NPDC1: variants seen among roughly 807,000 people sequenced by gnomAD.
NPDC1 encodes the protein neural proliferation, differentiation and control 1, also known as neural proliferation differentiation and control protein 1.
In NPDC1, 18 loss-of-function variants were observed where a neutral mutation model predicts 32.5. The observed-to-expected ratio is 0.55, with a 90% CI of 0.38 to 0.82. The LOEUF is 0.82. NPDC1 is among the 40% of genes least tolerant of loss of function. The pLI is 0.00. For missense variants in NPDC1, 468 were observed against 406.6 expected, an observed-to-expected ratio of 1.15 and a Z score of -1.30; for synonymous variants, 210 against 184.7, an observed-to-expected ratio of 1.14 and a Z score of -1.11.
At position 137,039,823 on chromosome 9, in the gene NPDC1, G is replaced by T; in HGVS notation, c.927C>A (p.Ala309=). 1 of 779,188 alleles carries T rather than the reference G, an allele frequency of 1.3e-6. No homozygotes were observed. The allele number at this position is 779,188 out of a possible 1,614,324, so 48.3% of individuals were successfully genotyped here. A position where few individuals can be genotyped will look rare whatever the true frequency, so the allele number is the denominator to read the frequency against. The change falls in exon 9 of 9, where the codon GCC becomes GCA. Residue 309 remains alanine (A), a synonymous_variant. Transcript: ENST00000371601. The part of the protein sequence containing the change: ...MEVRNPLFDH[A]ALSAPLPAPS... The stretch of plus-strand genomic sequence containing the variant: ...GGGCCGGCAGGGGCGCGGACAGTGC[G>T]GCGTGGTCGAACAGAGGGTTGCGCA...
chr9:137,044,518 C>T (rs1306280221), intron 1 of NPDC1, among the ~76,000 whole-genome samples: 2 of 152,172 alleles, frequency 1.3e-5, no homozygotes, highest in Admixed American at 1.3e-4. Flanking sequence ...AGCCCAGGAG[C>T]CTCCATCCCC....
At position 137,040,541 on chromosome 9, in the gene NPDC1, AG is replaced by A. The variant is rs1442232045; in HGVS notation, c.680del (p.Pro227LeufsTer126). ...QKADYATAKA[P>X]GSPAAPRISP... ...AGATCCGGGGAGCTGCAGGTGAGCCAGGGGCCTTCGCAGTGGCGTAGTCGGC... is the reference window on the plus strand; with the variant it reads ...AGATCCGGGGAGCTGCAGGTGAGCCAGGGCCTTCGCAGTGGCGTAGTCGGC... On this transcript the variant is annotated frameshift_variant, in exon 6 of 9. Coordinates refer to ENST00000371601, the MANE Select transcript of NPDC1 (RefSeq NM_015392.4). LOFTEE classifies it high-confidence loss of function. 1.3e-6 allele frequency: 2 copies of A among 1,589,404 alleles called. No homozygotes were observed. Among genetic ancestry groups the A allele is most frequent in the Non-Finnish European group, 1.7e-6 (2 of 1,173,580 alleles).
chr9:137,040,040 G>A lies in NPDC1; in HGVS notation c.816C>T (p.Asp272=). ...CATTCTCCTCATCCGAGGAGGCCGT[G>A]TCCAGCTCCTTGGGTGGCTCTTTAT... ...ERHKEPPKEL[D]TASSDEENED... is the part of the protein sequence containing the mutation. The change falls in exon 8 of 9, where the codon GAC becomes GAT. Residue 272 remains aspartate (D), a synonymous_variant. Transcript: ENST00000371601. The A allele has an allele frequency of 3.9e-6, 3 of 778,770 alleles. No individual in the cohort carries two copies. The allele number at this position is 778,770 out of a possible 1,614,324, so 48.2% of individuals were successfully genotyped here. A position where few individuals can be genotyped will look rare whatever the true frequency, so the allele number is the denominator to read the frequency against.
chr9:137,042,212 C>A (rs1588548475), intron 2 of NPDC1, among the ~76,000 whole-genome samples: 1 of 151,686 alleles, frequency 6.6e-6, no homozygotes, highest in Non-Finnish European at 1.5e-5. Context: ...TCCAGGGGCC[C>A]CAAGACCACC....
Position 137,039,936 on chromosome 9 carries a change from A to T in NPDC1, c.885+35T>A, listed in dbSNP as rs377686359. 1.6e-4 allele frequency: 124 copies of T among 778,348 alleles called. No individual in the cohort carries two copies. In the East Asian group the frequency reaches 1.8e-3, roughly 11 times the overall value. The allele number at this position is 778,348 out of a possible 1,614,324, so 48.2% of individuals were successfully genotyped here. On this transcript the variant is annotated intron_variant, in intron 8 of 8. Transcript: ENST00000371601. Reference sequence around the variant, plus strand: ...ACTTGCTGGGAGGGAACCCCAGGAGATGGTTCGCCCCTCCCTGCACCCTGA... The same window carrying T: ...ACTTGCTGGGAGGGAACCCCAGGAGTTGGTTCGCCCCTCCCTGCACCCTGA...
chr9:137,040,257 A>T, intron 7 of NPDC1, 100 bp downstream of exon 7: 1 of 1,071,590 alleles, frequency 9.3e-7, no homozygotes. Context: ...TGAGGGTGGC[A>T]GGGCCTGGGG....
At chr9:137,044,963 G>C (rs1043366496) in intron 1 of NPDC1, among the ~76,000 whole-genome samples, 1 of 152,242 alleles carries the variant, frequency 6.6e-6, no homozygotes, top group African/African-American at 2.4e-5. Context: ...CCTCAGCTGT[G>C]CCACAATCCA....
chr9:137,043,251 G>C (rs899588976), intron 1 of NPDC1, 178 bp from the exon 2 acceptor site: 1 of 768,520 alleles, frequency 1.3e-6, no homozygotes, highest in Non-Finnish European at 2.3e-6. Context: ...ACCCGGAAGC[G>C]AACAGTCCTA....
At chr9:137,042,379 G>C (rs776684276) in intron 2 of NPDC1, among the ~76,000 whole-genome samples, 8 of 151,292 alleles carry the variant, frequency 5.3e-5, no homozygotes, top group African/African-American at 1.9e-4. Context: ...TTAGCTTCCC[G>C]AGTAGCTGGG....
chr9:137,044,560 A>G (rs1031251531), intron 1 of NPDC1, among the ~76,000 whole-genome samples: 4 of 152,154 alleles, frequency 2.6e-5, no homozygotes, highest in Non-Finnish European at 1.5e-5. Flanking sequence ...GGTCGCAGGA[A>G]CAAGAGCAGC....
At chr9:137,045,738 G>T in intron 1 of NPDC1, 140 bp downstream of exon 1, 1 of 407,620 alleles carries the variant, frequency 2.5e-6, no homozygotes, top group Non-Finnish European at 3.3e-6. Context: ...GCGAGGCGGG[G>T]CCCCCGCCAC....
At chr9:137,043,724 G>A (rs1832090192) in intron 1 of NPDC1, 1 of 289,676 alleles carries the variant, frequency 3.5e-6, no homozygotes, top group Non-Finnish European at 6.5e-6. Context: ...GGGCCAGGTG[G>A]CACCCGAGGG....
rs1335417244 is a variant in NPDC1 at position 137,039,999 on chromosome 9, G to A, written c.857C>T (p.Thr286Met). Reference sequence around the variant, plus strand: ...GGCCAGGCCCGGGCACTCGTACACCGTGAAGTCTCCGTCCTCATTCTCCTC... The same window carrying A: ...GGCCAGGCCCGGGCACTCGTACACCATGAAGTCTCCGTCCTCATTCTCCTC... ...SDEENEDGDF[T>M]VYECPGLAPT... Residue 286 changes from threonine (T) to methionine (M), a missense_variant, in exon 8 of 9, where the codon ACG becomes ATG. Physicochemically the swap from Thr to Met is moderately conservative, Grantham distance 81. Coordinates refer to ENST00000371601, the MANE Select transcript of NPDC1 (RefSeq NM_015392.4). The A allele has an allele frequency of 5.1e-6, 4 of 779,032 alleles. No individual in the cohort carries two copies. Among genetic ancestry groups the A allele is most frequent in the East Asian group, 2.4e-5 (1 of 41,226 alleles). 48.3% of individuals were successfully genotyped at this position (779,032 alleles called of 1,614,324 possible). A position where few individuals can be genotyped will look rare whatever the true frequency, so the allele number is the denominator to read the frequency against.
At chr9:137,044,924 C>T (rs1395192809) in intron 1 of NPDC1, among the ~76,000 whole-genome samples, 1 of 152,260 alleles carries the variant, frequency 6.6e-6, no homozygotes, top group South Asian at 2.1e-4. Context: ...TGAGGCCACA[C>T]ACACAGAACC....
At chr9:137,045,610 G>T (rs1474097024) in intron 1 of NPDC1, among the ~76,000 whole-genome samples, 1 of 152,250 alleles carries the variant, frequency 6.6e-6, no homozygotes, top group African/African-American at 2.4e-5. Context: ...CGCGCTCCCG[G>T]CGGAAGAAGC....
chr9:137,041,076 C>T lies in NPDC1; in HGVS notation c.371G>A (p.Arg124Gln), dbSNP rs148782428. The change falls in exon 3 of 9, where the codon CGG becomes CAG. Residue 124 changes from arginine to glutamine, a missense_variant. Physicochemically the swap from Arg to Gln is conservative, Grantham distance 43. Transcript: ENST00000371601. ...STPPLPKDRQ[R>Q]LPEPATLGFS... ...GGGGGTCTCACCAGGCTCCGGGAGCCGCTGTCGGTCCTTGGGTAGGGGCGG... is the reference window on the plus strand; with the variant it reads ...GGGGGTCTCACCAGGCTCCGGGAGCTGCTGTCGGTCCTTGGGTAGGGGCGG... 151 of 1,522,654 alleles carry T rather than the reference C, an allele frequency of 9.9e-5. No homozygotes were observed. The highest frequency in any genetic ancestry group is 3.5e-4 in the Middle Eastern group (2 of 5,688). 94.3% of individuals were successfully genotyped at this position (1,522,654 alleles called of 1,614,324 possible).
In NPDC1 at chr9:137,040,340, C is replaced by T. The variant is rs1164511407; in HGVS notation, c.788+17G>A. 3.3e-6 allele frequency: 5 copies of T among 1,535,872 alleles called. No homozygotes were observed. Among genetic ancestry groups the T allele is most frequent in the Non-Finnish European group, 4.4e-6 (5 of 1,145,544 alleles). The stretch of plus-strand genomic sequence containing the variant: ...GGGTGGGTGGGTGGGGGTGGCAGTG[C>T]CGGGGCGGCCACTCACCGCTCCAGG... On this transcript the variant is annotated intron_variant, in intron 7 of 8. Coordinates refer to ENST00000371601, the MANE Select transcript of NPDC1 (RefSeq NM_015392.4).
rs373680464 is a variant in NPDC1 at position 137,040,006 on chromosome 9, C to T, written c.850G>A (p.Asp284Asn). 4 of 779,056 alleles carry T rather than the reference C, an allele frequency of 5.1e-6. No individual in the cohort carries two copies. The highest frequency in any genetic ancestry group is 1.7e-5 in the African/African-American group (1 of 59,058). The allele number at this position is 779,056 out of a possible 1,614,324, so 48.3% of individuals were successfully genotyped here. ...ASSDEENEDG[D>N]FTVYECPGLA... is the part of the protein sequence containing the mutation. ...CCCGGGCACTCGTACACCGTGAAGTCTCCGTCCTCATTCTCCTCATCCGAG... is the reference window on the plus strand; with the variant it reads ...CCCGGGCACTCGTACACCGTGAAGTTTCCGTCCTCATTCTCCTCATCCGAG... Residue 284 changes from aspartate to asparagine, a missense_variant, in exon 8 of 9, where the codon GAC (aspartate) becomes AAC (asparagine). Transcript: ENST00000371601.
intron 7 of NPDC1, 82 bp downstream of exon 7, chr9:137,040,275 G>T: frequency 7.5e-7 from 1 of 1,329,690 alleles, no homozygotes; most frequent in Non-Finnish European, 1.0e-6. Context: ...GGGTAAAGTT[G>T]GCCAGGGGAG....
Sources: allele counts gnomAD v4.1 joint callset (sites outside exome capture counted in the v4.1 genomes callset), GRCh38; gene constraint gnomAD v4.1.1; transcripts MANE v1.5; gene names NCBI Gene and HGNC (gene_info 2026-07-23, HGNC 2026-07-21).